The following TDP1 variants were observed in gnomAD, a reference collection of about 807,000 sequenced individuals.
TDP1 encodes tyr-DNA phosphodiesterase 1.
TDP1 carries 64 observed loss-of-function variants against 81.5 expected under a neutral mutation model. That is an observed-to-expected ratio of 0.79 (90% CI 0.64 to 0.97). TDP1 has a LOEUF of 0.97. Ranked by LOEUF, TDP1 falls within the 50% of genes least tolerant of loss-of-function variation. The probability of loss-of-function intolerance (pLI) is 0.00; values close to 1 mark genes in which losing one functional copy is unlikely to be tolerated. For synonymous variants in TDP1, 256 were observed against 264.3 expected, an observed-to-expected ratio of 0.97 and a Z score of 0.30; for missense variants, 723 against 743.8, an observed-to-expected ratio of 0.97 and a Z score of 0.33.
Position 90,019,408 on chromosome 14 carries a change from CT to C in TDP1, c.1636del (p.Ser546GlnfsTer5). ...TACGAGCTCGGGGTCCTTTTCCTCC[CT>C]TCAGCATTTGTAAGTTTACACTTCC... ...RSYELGVLFL[P>X]SAFGLDSFKV... On this transcript the variant is annotated frameshift_variant, in exon 15 of 17. Coordinates refer to ENST00000335725, the MANE Select transcript of TDP1 (RefSeq NM_018319.4). LOFTEE classifies it high-confidence loss of function. 2 of 1,594,336 alleles carry C rather than the reference CT, an allele frequency of 1.3e-6. No individual in the cohort carries two copies. The highest frequency in any genetic ancestry group is 1.7e-6 in the Non-Finnish European group (2 of 1,161,918).
chr14:89,989,064 G>A lies in TDP1; in HGVS notation c.1291G>A (p.Gly431Arg), dbSNP rs756741523. ...LTLGKESKTP[G>R]KSSVPLYLIY... ...ACTGGGGAAGGAAAGCAAGACTCCAGGAAAAAGCTCTGTTCCTCTTTACTT... is the reference window on the plus strand; with the variant it reads ...ACTGGGGAAGGAAAGCAAGACTCCAAGAAAAAGCTCTGTTCCTCTTTACTT... The change falls in exon 11 of 17, where the codon GGA becomes AGA. Residue 431 changes from glycine (G) to arginine (R), a missense_variant. Physicochemically the swap from Gly to Arg is moderately radical, Grantham distance 125. Coordinates refer to ENST00000335725, the MANE Select transcript of TDP1 (RefSeq NM_018319.4). 3.7e-6 allele frequency: 6 copies of A among 1,613,906 alleles called. No homozygotes were observed. The highest frequency in any genetic ancestry group is 1.7e-4 in the Middle Eastern group (1 of 6,052).
intron 7 of TDP1, 71 bp from the exon 8 acceptor site, chr14:89,980,469 T>C: frequency 6.7e-7 from 1 of 1,496,520 alleles, no homozygotes; most frequent in Non-Finnish European, 9.3e-7. Flanking sequence ...ATGTATTACA[T>C]TTGCATTGGA....
intron 7 of TDP1, 168 bp from the exon 8 acceptor site, chr14:89,980,372 C>A: frequency 1.1e-6 from 1 of 935,944 alleles, no homozygotes; most frequent in East Asian, 1.2e-4. Context: ...ATCACTTAGG[C>A]AGACTTTCAT....
intron 5 of TDP1, among the ~76,000 whole-genome samples, chr14:89,970,257 T>C (rs973296864): frequency 1.3e-5 from 2 of 152,180 alleles, no homozygotes; most frequent in African/African-American, 4.8e-5. Context: ...AATGTATTCT[T>C]GAAGAGTGTT....
intron 16 of TDP1, among the ~76,000 whole-genome samples, chr14:90,036,827 A>T (rs1478064387): frequency 6.6e-6 from 1 of 151,398 alleles, no homozygotes; most frequent in Non-Finnish European, 1.5e-5. Context: ...AAAAAAAAAA[A>T]AAGATAGGGT....
At chr14:89,983,223 C>T (rs1895191564) in intron 8 of TDP1, 2 of 444,186 alleles carry the variant, frequency 4.5e-6, no homozygotes, top group Admixed American at 2.5e-5. Flanking sequence ...CCAACCTGGT[C>T]ATTTTACACA....
intron 8 of TDP1, chr14:89,983,021 A>C: frequency 2.3e-6 from 1 of 430,710 alleles, no homozygotes; most frequent in Non-Finnish European, 4.6e-6. Context: ...TATTTGGCTC[A>C]TTATAATAAT....
intron 14 of TDP1, among the ~76,000 whole-genome samples, chr14:90,015,070 C>T (rs953627920): frequency 2.2e-4 from 34 of 152,150 alleles, no homozygotes; most frequent in African/African-American, 8.2e-4. Context: ...TGTCTCTCAT[C>T]ATTGTAGACT....
At chr14:90,023,904 C>T (rs1886363364) in intron 15 of TDP1, among the ~76,000 whole-genome samples, 1 of 152,172 alleles carries the variant, frequency 6.6e-6, no homozygotes, top group Admixed American at 6.5e-5. Context: ...AACTGCTGGG[C>T]TCAAGTGATC....
chr14:90,011,260 A>G (rs1011898366), intron 14 of TDP1, among the ~76,000 whole-genome samples: 6 of 152,170 alleles, frequency 3.9e-5, no homozygotes, highest in Non-Finnish European at 8.8e-5. Flanking sequence ...CTTTATTAGC[A>G]GTGAGAGAAC....
At position 89,967,356 on chromosome 14, in the gene TDP1, C is replaced by T. The variant is rs1893059673; in HGVS notation, c.604-11C>T. The T allele has an allele frequency of 4.3e-6, 7 of 1,613,594 alleles. No individual in the cohort carries two copies. The highest frequency in any genetic ancestry group is 1.6e-4 in the Middle Eastern group (1 of 6,062). On this transcript the variant is annotated splice_polypyrimidine_tract_variant and intron_variant, in intron 4 of 16. Transcript: ENST00000335725. The stretch of plus-strand genomic sequence containing the variant: ...CCTATGGCTTAGTTACTCTTCTTTT[C>T]TCCCATCTAGTTTAACTACTGCTTT...
chr14:90,044,242 G>GA lies in TDP1; in HGVS notation c.*1105dup, dbSNP rs760131901. On this transcript the variant is annotated 3_prime_UTR_variant, in exon 17 of 17. Coordinates refer to ENST00000335725, the MANE Select transcript of TDP1 (RefSeq NM_018319.4). The stretch of plus-strand genomic sequence containing the variant: ...ATACAAAAGCACACAAGTATTTTGG[G>GA]AAAAAATCCTAAAAGGTGACTTAAT... 6.6e-6 allele frequency: 1 copy of GA among 152,140 alleles called. No individual in the cohort carries two copies. 9.4% of individuals were successfully genotyped at this position (152,140 alleles called of 1,614,324 possible). A position where few individuals can be genotyped will look rare whatever the true frequency, so the allele number is the denominator to read the frequency against.
intron 3 of TDP1, 89 bp from the exon 4 acceptor site, chr14:89,966,058 T>A (rs1457456828): frequency 1.0e-6 from 1 of 1,003,508 alleles, no homozygotes; most frequent in African/African-American, 1.6e-5. Context: ...AGATCTTGAT[T>A]GTCAGTGACT....
chr14:90,014,970 A>T (rs746471253), intron 14 of TDP1, among the ~76,000 whole-genome samples: 3 of 152,198 alleles, frequency 2.0e-5, no homozygotes, highest in Admixed American at 6.5e-5. Flanking sequence ...TCCACTCCCC[A>T]GTGGTAAACC....
intron 14 of TDP1, among the ~76,000 whole-genome samples, chr14:90,015,877 G>C (rs1596649464): frequency 6.6e-6 from 1 of 152,230 alleles, no homozygotes; most frequent in East Asian, 1.9e-4. Flanking sequence ...TTCAACATAT[G>C]AATTCTGGGG....
intron 11 of TDP1, 136 bp downstream of exon 11, chr14:89,989,226 G>A (rs575128883): frequency 2.9e-6 from 4 of 1,399,050 alleles, no homozygotes; most frequent in Non-Finnish European, 2.9e-6. Flanking sequence ...CGGGGGCGGG[G>A]TGCGGAAAGA....
intron 7 of TDP1, among the ~76,000 whole-genome samples, chr14:89,978,543 G>A (rs540163574): frequency 5.6e-4 from 85 of 152,248 alleles, no homozygotes; most frequent in African/African-American, 2.0e-3. Context: ...ATTCTTCAAG[G>A]GAGATCTCAT....
At chr14:90,020,792 A>G (rs1885987032) in intron 15 of TDP1, among the ~76,000 whole-genome samples, 1 of 144,074 alleles carries the variant, frequency 6.9e-6, no homozygotes, top group Non-Finnish European at 1.5e-5. Flanking sequence ...AATCTGGACT[A>G]ATCCAGTCTT....
chr14:90,012,642 T>C (rs1884844880), intron 14 of TDP1, among the ~76,000 whole-genome samples: 1 of 152,080 alleles, frequency 6.6e-6, no homozygotes, highest in South Asian at 2.1e-4. Context: ...GGAGAACCTC[T>C]GCTAGGGCAG....
Sources: gnomAD v4.1 joint callset for allele counts (sites outside exome capture counted in the v4.1 genomes callset) on GRCh38, gnomAD v4.1.1 for gene constraint, MANE v1.5 for transcripts, NCBI Gene and HGNC (gene_info 2026-07-23, HGNC 2026-07-21) for gene names.